The following ADAMTSL1 variants were observed in gnomAD, a reference collection of about 807,000 sequenced individuals.
The protein encoded by ADAMTSL1 is ADAMTS like 1.
ADAMTSL1 carries 126 observed loss-of-function variants against 201.8 expected under a neutral mutation model. The observed-to-expected ratio is 0.62, with a 90% CI of 0.54 to 0.72. The LOEUF (loss-of-function observed/expected upper bound fraction) is 0.72. Among genes scored for constraint, ADAMTSL1 ranks in the 30% least tolerant of loss-of-function variants. The probability of loss-of-function intolerance (pLI) is 0.00; values close to 1 mark genes in which losing one functional copy is unlikely to be tolerated. For missense variants in ADAMTSL1, 2,679 were observed against 2,277.8 expected (o/e 1.18, Z -3.59); for synonymous variants, 1,121 against 903.4 (o/e 1.24, Z -4.32).
intron 2 of ADAMTSL1, among the ~76,000 whole-genome samples, chr9:18,311,775 A>G (rs915742208): frequency 6.6e-6 from 1 of 152,170 alleles, no homozygotes; most frequent in Non-Finnish European, 1.5e-5. Flanking sequence ...AGTGGGGGAG[A>G]TTGAAATGGG....
At chr9:17,977,679 T>C (rs896762782) in intron 1 of ADAMTSL1, among the ~76,000 whole-genome samples, 1 of 152,080 alleles carries the variant, frequency 6.6e-6, no homozygotes, top group African/African-American at 2.4e-5. Context: ...CTCATTTGAG[T>C]CTTCTCTTTT....
At chr9:18,899,639 A>G (rs1829883804) in intron 26 of ADAMTSL1, among the ~76,000 whole-genome samples, 1 of 152,162 alleles carries the variant, frequency 6.6e-6, no homozygotes, top group African/African-American at 2.4e-5. Flanking sequence ...AAGATCACAT[A>G]CCTACAACCA....
intron 2 of ADAMTSL1, among the ~76,000 whole-genome samples, chr9:18,309,286 A>T (rs1439440150): frequency 6.6e-6 from 1 of 152,166 alleles, no homozygotes; most frequent in African/African-American, 2.4e-5. Context: ...CAAGACAAGG[A>T]TGCCCTCCCT....
intron 3 of ADAMTSL1, among the ~76,000 whole-genome samples, chr9:18,552,454 C>G (rs1033008583): frequency 1.3e-5 from 2 of 151,648 alleles, no homozygotes; most frequent in Non-Finnish European, 3.0e-5. Context: ...TATTCCATTT[C>G]TTTGGAATTT....
intron 2 of ADAMTSL1, among the ~76,000 whole-genome samples, chr9:18,422,397 G>C (rs1356910046): frequency 6.6e-6 from 1 of 152,092 alleles, no homozygotes; most frequent in Non-Finnish European, 1.5e-5. Flanking sequence ...ACTTCTCTCT[G>C]AATAATGTTA....
At chr9:18,219,878 C>G (rs1830192831) in intron 2 of ADAMTSL1, among the ~76,000 whole-genome samples, 1 of 152,034 alleles carries the variant, frequency 6.6e-6, no homozygotes, top group African/African-American at 2.4e-5. Context: ...ATCTAGAAAT[C>G]TTGCTAAACT....
chr9:18,378,384 T>C (rs377257817), intron 2 of ADAMTSL1, among the ~76,000 whole-genome samples: 2 of 152,202 alleles, frequency 1.3e-5, no homozygotes, highest in East Asian at 1.9e-4. Flanking sequence ...AGAAAATCTT[T>C]CAAGAGTCTT....
At chr9:18,797,338 A>T (rs16937093) in intron 20 of ADAMTSL1, among the ~76,000 whole-genome samples, 1,734 of 152,342 alleles carry the variant, frequency 0.011, 31 homozygotes, top group African/African-American at 0.04. Context: ...ACCTGAGTTT[A>T]TCATCCACAC....
chr9:18,324,480 T>C (rs1191121810), intron 2 of ADAMTSL1, among the ~76,000 whole-genome samples: 1 of 150,672 alleles, frequency 6.6e-6, no homozygotes, highest in African/African-American at 2.4e-5. Flanking sequence ...ACACACTACA[T>C]CAGGCTAGGT....
chr9:18,238,833 T>G lies in ADAMTSL1; in HGVS notation c.207+74852T>G, dbSNP rs114292653. Among the ~76,000 whole-genome samples the G allele has an allele frequency of 5.5e-3, 843 of 152,322 alleles. 5 individuals carry two copies. Among genetic ancestry groups the G allele is most frequent in the African/African-American group, 0.019 (806 of 41,564 alleles). ...CTCAGATAGTTAACTTTTTTGTAAT[T>G]GTAACATTTGAAATTTACTCTCCTA... On this transcript the variant is annotated intron_variant, in intron 2 of 29. Coordinates refer to the ADAMTSL1 transcript ENST00000680146.
chr9:18,334,218 AG>A (rs1273627248), intron 2 of ADAMTSL1, among the ~76,000 whole-genome samples: 1 of 152,180 alleles, frequency 6.6e-6, no homozygotes, highest in Non-Finnish European at 1.5e-5. Flanking sequence ...CTTTGGTCCC[AG>A]GAGTGCCATT....
intron 2 of ADAMTSL1, among the ~76,000 whole-genome samples, chr9:18,324,248 G>T (rs998846725): frequency 2.6e-5 from 4 of 152,088 alleles, no homozygotes; most frequent in African/African-American, 9.7e-5. Flanking sequence ...GAAAAAAGTG[G>T]ATAAACATAT....
At chr9:18,315,645 G>A (rs4573374) in intron 2 of ADAMTSL1, among the ~76,000 whole-genome samples, 3,191 of 152,246 alleles carry the variant, frequency 0.021, 65 homozygotes, top group African/African-American at 0.058. Context: ...CCGATCCCGC[G>A]CCCACCTGGA....
chr9:18,403,923 T>C (rs975120320), intron 2 of ADAMTSL1, among the ~76,000 whole-genome samples: 2 of 152,196 alleles, frequency 1.3e-5, no homozygotes, highest in African/African-American at 2.4e-5. Context: ...GCAGGGGTTA[T>C]AGTGATATGT....
At chr9:18,322,645 A>G (rs1378881306) in intron 2 of ADAMTSL1, among the ~76,000 whole-genome samples, 1 of 152,192 alleles carries the variant, frequency 6.6e-6, no homozygotes, top group Non-Finnish European at 1.5e-5. Context: ...CAACAACAAC[A>G]ACAACAAAAT....
intron 1 of ADAMTSL1, among the ~76,000 whole-genome samples, chr9:18,145,390 T>G (rs767089619): frequency 2.6e-5 from 4 of 152,184 alleles, no homozygotes; most frequent in Non-Finnish European, 5.9e-5. Flanking sequence ...TCTAAGTGAC[T>G]CACATTAATA....
chr9:18,187,627 T>C (rs932741212), intron 2 of ADAMTSL1, among the ~76,000 whole-genome samples: 5 of 152,054 alleles, frequency 3.3e-5, no homozygotes, highest in Non-Finnish European at 5.9e-5. Flanking sequence ...ACAAGAAAAG[T>C]TGGAATTTAT....
chr9:18,031,522 T>C (rs561140295), intron 1 of ADAMTSL1, among the ~76,000 whole-genome samples: 15 of 152,296 alleles, frequency 9.8e-5, no homozygotes, highest in Non-Finnish European at 1.9e-4. Context: ...TCTAGTCCAA[T>C]AGATGGTGCA....
At chr9:18,394,658 T>G (rs73643263) in intron 2 of ADAMTSL1, among the ~76,000 whole-genome samples, 7,373 of 152,266 alleles carry the variant, frequency 0.048, 208 homozygotes, top group Middle Eastern at 0.092. Flanking sequence ...AAGTTGATTA[T>G]AAATTCAACA....
Sources: gnomAD v4.1 joint callset for allele counts (sites outside exome capture counted in the v4.1 genomes callset) on GRCh38, gnomAD v4.1.1 for gene constraint, MANE v1.5 for transcripts, NCBI Gene and HGNC (gene_info 2026-07-23, HGNC 2026-07-21) for gene names.